Variants in PDE10A observed in about 807,000 individuals in gnomAD.
PDE10A encodes the protein phosphodiesterase 10A, also known as cAMP and cAMP-inhibited cGMP 3',5'-cyclic phosphodiesterase 10A.
Under a neutral mutation model 97.7 loss-of-function variants are expected in PDE10A, and 39 were observed. That is an observed-to-expected ratio of 0.40 (90% CI 0.31 to 0.52). The LOEUF (loss-of-function observed/expected upper bound fraction) is 0.52, where lower values mean the gene tolerates loss of function less well. Ranked by LOEUF, PDE10A falls within the 20% of genes least tolerant of loss-of-function variation. The pLI, the probability that PDE10A is intolerant of heterozygous loss-of-function variation, is 0.56. For synonymous variants in PDE10A, 371 were observed against 376.8 expected (o/e 0.98, Z 0.18); for missense variants, 731 against 1,047.8 (o/e 0.70, Z 4.17).
chr6:165,338,417 G>A (rs1376632568), intron 20 of PDE10A, among the ~76,000 whole-genome samples: 4 of 152,230 alleles, frequency 2.6e-5, no homozygotes, highest in East Asian at 1.9e-4. Flanking sequence ...GACAGTTAAC[G>A]AAAGCCATAC....
intron 1 of PDE10A, among the ~76,000 whole-genome samples, chr6:165,808,907 G>T (rs1583124276): frequency 6.6e-6 from 1 of 152,182 alleles, no homozygotes; most frequent in East Asian, 1.9e-4. Flanking sequence ...ATCTTTCCTT[G>T]CTAATTATTT....
At chr6:165,558,016 C>T (rs939418064) in intron 1 of PDE10A, among the ~76,000 whole-genome samples, 3 of 152,148 alleles carry the variant, frequency 2.0e-5, no homozygotes, top group African/African-American at 4.8e-5. Context: ...CAATATATAA[C>T]AAACGATATG....
At chr6:165,441,089 T>A (rs1249149747) in intron 5 of PDE10A, among the ~76,000 whole-genome samples, 5 of 152,196 alleles carry the variant, frequency 3.3e-5, no homozygotes, top group Admixed American at 6.5e-5. Flanking sequence ...CATAAGTTGT[T>A]TTCTTTGCTA....
chr6:165,381,451 G>A (rs1188373401), intron 17 of PDE10A, among the ~76,000 whole-genome samples: 1 of 152,008 alleles, frequency 6.6e-6, no homozygotes, highest in Admixed American at 6.6e-5. Context: ...TAAAGGGAAT[G>A]AATGAACAAA....
At chr6:165,673,907 A>G (rs1790718186) in intron 1 of PDE10A, among the ~76,000 whole-genome samples, 1 of 152,258 alleles carries the variant, frequency 6.6e-6, no homozygotes, top group African/African-American at 2.4e-5. Context: ...AAAGAATATT[A>G]TCAGCCACAT....
At chr6:165,909,500 T>C (rs1476899564) in intron 1 of PDE10A, among the ~76,000 whole-genome samples, 2 of 152,166 alleles carry the variant, frequency 1.3e-5, no homozygotes, top group South Asian at 2.1e-4. Context: ...GGCTGCAGGA[T>C]AATAATTGAA....
intron 2 of PDE10A, among the ~76,000 whole-genome samples, chr6:165,504,119 G>A (rs1781055966): frequency 6.6e-6 from 1 of 152,018 alleles, no homozygotes; most frequent in Non-Finnish European, 1.5e-5. Context: ...CTGATGACAG[G>A]GAATAATTCT....
chr6:165,647,036 A>G (rs1279106474), intron 1 of PDE10A, among the ~76,000 whole-genome samples: 2 of 152,218 alleles, frequency 1.3e-5, no homozygotes, highest in Non-Finnish European at 2.9e-5. Context: ...AAATGTACCC[A>G]TAAGGAGATC....
At chr6:165,736,009 AT>A (rs1228179230) in intron 1 of PDE10A, among the ~76,000 whole-genome samples, 20 of 152,352 alleles carry the variant, frequency 1.3e-4, no homozygotes, top group Admixed American at 9.8e-4. Flanking sequence ...AAAAATAAGC[AT>A]TAACATAGAC....
At chr6:165,866,113 C>T in intron 1 of PDE10A, among the ~76,000 whole-genome samples, 1 of 151,976 alleles carries the variant, frequency 6.6e-6, no homozygotes, top group East Asian at 1.9e-4. Flanking sequence ...TGGTTTAAAT[C>T]CCCCAATTAA....
At chr6:165,794,262 TAC>T (rs1778756851) in intron 1 of PDE10A, among the ~76,000 whole-genome samples, 1 of 144,706 alleles carries the variant, frequency 6.9e-6, no homozygotes, top group African/African-American at 2.6e-5. Flanking sequence ...CACACTCACA[TAC>T]ACACTCATCA....
At chr6:165,505,284 T>C (rs1000884575) in intron 2 of PDE10A, among the ~76,000 whole-genome samples, 30 of 152,216 alleles carry the variant, frequency 2.0e-4, no homozygotes, top group Admixed American at 1.8e-3. Flanking sequence ...AAAAAACACA[T>C]TGCCTTACAA....
At chr6:165,850,923 C>T (rs1780555538) in intron 1 of PDE10A, among the ~76,000 whole-genome samples, 1 of 152,090 alleles carries the variant, frequency 6.6e-6, no homozygotes, top group African/African-American at 2.4e-5. Flanking sequence ...AAAGCAAAAA[C>T]CAAAAGTAGT....
intron 2 of PDE10A, among the ~76,000 whole-genome samples, chr6:165,504,354 T>C (rs113883393): frequency 1.9e-4 from 29 of 152,356 alleles, no homozygotes; most frequent in African/African-American, 6.7e-4. Flanking sequence ...TAAACCGTGA[T>C]AGCATTAAAT....
At chr6:165,657,069 T>C (rs1368915269) in intron 1 of PDE10A, among the ~76,000 whole-genome samples, 2 of 152,230 alleles carry the variant, frequency 1.3e-5, no homozygotes, top group Non-Finnish European at 2.9e-5. Flanking sequence ...ACACAAGTAT[T>C]TGAGTACCTT....
intron 11 of PDE10A, among the ~76,000 whole-genome samples, chr6:165,417,320 G>T (rs1037199193): frequency 3.9e-5 from 6 of 151,980 alleles, no homozygotes; most frequent in African/African-American, 1.5e-4. Context: ...GATGATTTAT[G>T]CTTCTTTGCG....
chr6:165,982,701 GA>G (rs1397429225), intron 1 of PDE10A, among the ~76,000 whole-genome samples: 2 of 152,004 alleles, frequency 1.3e-5, no homozygotes, highest in East Asian at 1.9e-4. Flanking sequence ...TGAAGAGAAT[GA>G]AAAAAATTTT....
chr6:165,358,898 T>C (rs1783206974), intron 18 of PDE10A, among the ~76,000 whole-genome samples: 2 of 151,236 alleles, frequency 1.3e-5, no homozygotes. Context: ...ATCTCTTTTT[T>C]TTACTCTTTT....
At chr6:165,698,871 CAAAT>C (rs1045570820) in intron 1 of PDE10A, among the ~76,000 whole-genome samples, 7 of 151,730 alleles carry the variant, frequency 4.6e-5, no homozygotes, top group African/African-American at 1.5e-4. Flanking sequence ...AAAACAAAAA[CAAAT>C]AAATAAATAA....
Sources: allele counts gnomAD v4.1 joint callset (sites outside exome capture counted in the v4.1 genomes callset), GRCh38; gene constraint gnomAD v4.1.1; transcripts MANE v1.5; gene names NCBI Gene and HGNC (gene_info 2026-07-23, HGNC 2026-07-21).